Variants in KCTD20 observed in about 807,000 individuals in gnomAD.
KCTD20 encodes BTB/POZ domain-containing protein KCTD20.
KCTD20 carries 30 observed loss-of-function variants against 39.6 expected under a neutral mutation model. The observed-to-expected ratio is 0.76, with a 90% CI of 0.57 to 1.03. The LOEUF (loss-of-function observed/expected upper bound fraction) is 1.03, where lower values mean the gene tolerates loss of function less well. Ranked by LOEUF, KCTD20 falls within the 50% of genes least tolerant of loss-of-function variation. The pLI is 0.00. For missense variants in KCTD20, 422 were observed against 522.0 expected (o/e 0.81, Z 1.87); for synonymous variants, 162 against 180.6 (o/e 0.90, Z 0.83).
rs374428925 is a variant in KCTD20, at chr6:36,447,905, C to A, written c.-47+4794C>A. ...ACTCTGGAGGCCAGGGCAGGTGGAT[C>A]GATTGAACCCAGAAGGTGGAGGTTG... On this transcript the variant is annotated intron_variant, in intron 1 of 7. Coordinates refer to ENST00000373731, the MANE Select transcript of KCTD20 (RefSeq NM_173562.5). Among the ~76,000 whole-genome samples the A allele has an allele frequency of 7.3e-5, 11 of 151,180 alleles. No individual in the cohort carries two copies. The East Asian group carries it at 1.2e-3, about 16-fold the overall frequency.
At chr6:36,483,625 C>G (rs1776329839) in intron 6 of KCTD20, among the ~76,000 whole-genome samples, 1 of 152,014 alleles carries the variant, frequency 6.6e-6, no homozygotes, top group African/African-American at 2.4e-5. Flanking sequence ...AGTGATTCTC[C>G]CATCTCAGCC....
rs147458253 is a variant in KCTD20 at position 36,467,814 on chromosome 6, T to C, written c.-46-2238T>C. Among the ~76,000 whole-genome samples, 944 of 152,264 alleles carry C rather than the reference T, an allele frequency of 6.2e-3. 12 individuals are homozygous for C. The highest frequency in any genetic ancestry group is 0.022 in the African/African-American group (906 of 41,554). On this transcript the variant is annotated intron_variant, in intron 1 of 7. Coordinates refer to ENST00000373731, the MANE Select transcript of KCTD20 (RefSeq NM_173562.5). ...GAGTAAAATTGTATTAATAGAATATTATACAGCCCTTAAAAATGAATGAAC... is the reference window on the plus strand; with the variant it reads ...GAGTAAAATTGTATTAATAGAATATCATACAGCCCTTAAAAATGAATGAAC...
At chr6:36,453,034 G>A (rs1161696067) in intron 1 of KCTD20, among the ~76,000 whole-genome samples, 2 of 130,982 alleles carry the variant, frequency 1.5e-5, no homozygotes, top group African/African-American at 6.0e-5. Flanking sequence ...TGGATACAGG[G>A]TCTCACTCTG....
At chr6:36,451,922 T>C (rs1459597685) in intron 1 of KCTD20, among the ~76,000 whole-genome samples, 3 of 152,186 alleles carry the variant, frequency 2.0e-5, no homozygotes, top group Non-Finnish European at 4.4e-5. Flanking sequence ...GTGCTTTTCA[T>C]GCCTCAGCCT....
At position 36,481,630 on chromosome 6, in the gene KCTD20, A is replaced by T; in HGVS notation, c.727A>T (p.Ile243Phe). 6.2e-7 allele frequency: 1 copy of T among 1,613,750 alleles called. No homozygotes were observed. Among genetic ancestry groups the T allele is most frequent in the Non-Finnish European group, 8.5e-7 (1 of 1,179,586 alleles). ...GTTTGATCACTACCTCGAAGAGCTC[A>T]TCTTGCCCATCATGGTGGGCTGTGC... ...KQFDHYLEEL[I>F]LPIMVGCAKK... Residue 243 changes from isoleucine (I) to phenylalanine (F), a missense_variant, in exon 6 of 8, where the codon ATC becomes TTC. By Grantham distance (21) the Ile-to-Phe change is conservative (BLOSUM62 0). Transcript: ENST00000373731.
rs70975158 is a variant in KCTD20 at position 36,448,015 on chromosome 6, GTA to G, written c.-47+4928_-47+4929del. Among the ~76,000 whole-genome samples, 37 of 128,954 alleles carry G rather than the reference GTA, an allele frequency of 2.9e-4. 1 individual carries two copies. The highest frequency in any genetic ancestry group is 1.2e-3 in the African/African-American group (35 of 29,036). 84.6% of individuals were successfully genotyped at this position (128,954 alleles called of 152,430 possible). ...CCAAAATATATGTGTATGTGTGTGT[GTA>G]TATATATATATATATATATATATTT... is the stretch of plus-strand genomic sequence containing the variant. On this transcript the variant is annotated intron_variant, in intron 1 of 7. Transcript: ENST00000373731.
intron 1 of KCTD20, among the ~76,000 whole-genome samples, chr6:36,464,952 G>A (rs1775700006): frequency 6.6e-6 from 1 of 152,162 alleles, no homozygotes; most frequent in Non-Finnish European, 1.5e-5. Context: ...ACAGAGTGGA[G>A]ATACGGTCCT....
rs1035726668 is a variant in KCTD20 at position 36,469,998 on chromosome 6, T to C, written c.-46-54T>C. The C allele has an allele frequency of 2.5e-5, 28 of 1,110,766 alleles. No individual in the cohort carries two copies. The Middle Eastern group carries it at 6.4e-4, about 25-fold the overall frequency. The allele number at this position is 1,110,766 out of a possible 1,614,324, so 68.8% of individuals were successfully genotyped here. On this transcript the variant is annotated intron_variant, in intron 1 of 7. Transcript: ENST00000373731. The surrounding 1 kb of genome is among the most constrained non-coding windows in gnomAD (Gnocchi z 4.6). ...CTAGTTTTGCTTTCATACCATGGAA[T>C]TCCTTAGAAATCTGTTTTGTGAGTT...
At chr6:36,453,145 T>C (rs1293385051) in intron 1 of KCTD20, among the ~76,000 whole-genome samples, 3 of 151,586 alleles carry the variant, frequency 2.0e-5, no homozygotes, top group African/African-American at 7.3e-5. Flanking sequence ...GTAGCTGGGA[T>C]TACAGACGCG....
chr6:36,449,232 A>G (rs1157435017), intron 1 of KCTD20, among the ~76,000 whole-genome samples: 1 of 151,936 alleles, frequency 6.6e-6, no homozygotes, highest in Non-Finnish European at 1.5e-5. Context: ...TCCATTTACA[A>G]ACCTTTAGCT....
intron 7 of KCTD20, among the ~76,000 whole-genome samples, chr6:36,485,603 T>G (rs966255390): frequency 1.3e-5 from 2 of 151,654 alleles, no homozygotes; most frequent in African/African-American, 4.9e-5. Flanking sequence ...ACGCCATTCT[T>G]CTGCCTCAGC....
At chr6:36,472,157 A>G (rs946553795) in intron 2 of KCTD20, among the ~76,000 whole-genome samples, 2 of 151,998 alleles carry the variant, frequency 1.3e-5, no homozygotes, top group Non-Finnish European at 1.5e-5. Context: ...CCAGGTATCT[A>G]TTTCGTTTTT....
At chr6:36,486,674 C>G (rs1451972210) in intron 7 of KCTD20, among the ~76,000 whole-genome samples, 7 of 152,166 alleles carry the variant, frequency 4.6e-5, no homozygotes, top group Non-Finnish European at 1.0e-4. Flanking sequence ...TTAGTCCCTT[C>G]TAGGGACAAG....
Position 36,478,102 on chromosome 6 carries a change from A to AAAAAAAAAG in KCTD20, c.435-1016_435-1015insAAAAAGAAA, listed in dbSNP as rs1343001151. The stretch of plus-strand genomic sequence containing the variant: ...AGAGCGAAACTCCATCTCAAAAAAA[A>AAAAAAAAAG]AAAGAAAAGAAAAGCAGCCAGTTCA... On this transcript the variant is annotated intron_variant, in intron 3 of 7. Coordinates refer to ENST00000373731, the MANE Select transcript of KCTD20 (RefSeq NM_173562.5). Among the ~76,000 whole-genome samples the AAAAAAAAAG allele has an allele frequency of 1.1e-4, 9 of 84,852 alleles. 1 individual carries two copies. The highest frequency in any genetic ancestry group is 9.5e-4 in the Admixed American group (6 of 6,320). 55.7% of individuals were successfully genotyped at this position (84,852 alleles called of 152,430 possible).
rs1319182369 is a variant in KCTD20 at position 36,477,573 on chromosome 6, C to T, written c.435-1548C>T. ...TCAGCTCACTGCAAGCTCTGCCTCCCGGGTTCAGCCATTCTCCTGCCTCAG... is the reference window on the plus strand; with the variant it reads ...TCAGCTCACTGCAAGCTCTGCCTCCTGGGTTCAGCCATTCTCCTGCCTCAG... On this transcript the variant is annotated intron_variant, in intron 3 of 7. Coordinates refer to ENST00000373731, the MANE Select transcript of KCTD20 (RefSeq NM_173562.5). 3.3e-5 allele frequency among the ~76,000 whole-genome samples: 5 copies of T among 150,712 alleles called. No individual in the cohort carries two copies. In the East Asian group the frequency reaches 9.9e-4, roughly 30 times the overall value.
At chr6:36,446,979 CAA>C (rs1282745613) in intron 1 of KCTD20, among the ~76,000 whole-genome samples, 3 of 152,166 alleles carry the variant, frequency 2.0e-5, no homozygotes, top group Non-Finnish European at 2.9e-5. Context: ...CTCTAAGACA[CAA>C]GAGATTAAGT....
At chr6:36,459,275 C>T (rs922938932) in intron 1 of KCTD20, among the ~76,000 whole-genome samples, 2 of 152,066 alleles carry the variant, frequency 1.3e-5, no homozygotes, top group African/African-American at 4.8e-5. Flanking sequence ...CATGCCACTG[C>T]ACTCCAGCCT....
chr6:36,475,328 C>A (rs1776032244), intron 3 of KCTD20, among the ~76,000 whole-genome samples: 1 of 151,860 alleles, frequency 6.6e-6, no homozygotes, highest in Non-Finnish European at 1.5e-5. Context: ...CACCTATAAT[C>A]CCAGCTGCTA....
intron 1 of KCTD20, among the ~76,000 whole-genome samples, chr6:36,462,089 C>T (rs891068378): frequency 6.6e-5 from 10 of 152,294 alleles, no homozygotes; most frequent in Non-Finnish European, 1.2e-4. Context: ...ATTAATATAG[C>T]TTCACCAACT....
Sources: allele counts gnomAD v4.1 joint callset (sites outside exome capture counted in the v4.1 genomes callset), GRCh38; gene constraint gnomAD v4.1.1; non-coding constraint Gnocchi (gnomAD v3.1); transcripts MANE v1.5; gene names NCBI Gene and HGNC (gene_info 2026-07-23, HGNC 2026-07-21).